Variants in PRSS23 observed in about 807,000 individuals in gnomAD.
PRSS23 encodes protease, serine 23.
A neutral mutation model predicts 34.7 loss-of-function variants in PRSS23; 25 were observed. The ratio of observed to expected loss-of-function variants is 0.72; its 90% CI spans 0.53 to 1.01. The LOEUF (loss-of-function observed/expected upper bound fraction) is 1.01, where lower values mean the gene tolerates loss of function less well. PRSS23 is among the 50% of genes least tolerant of loss of function. The pLI, the probability that PRSS23 is intolerant of heterozygous loss-of-function variation, is 0.00. For synonymous variants in PRSS23, 176 were observed against 186.6 expected (o/e 0.94, Z 0.46); for missense variants, 445 against 475.6 (o/e 0.94, Z 0.60).
In PRSS23 at chr11:86,845,841, C is replaced by A. The variant is rs376824614; in HGVS notation, c.206+22248C>A. 1.3e-5 allele frequency among the ~76,000 whole-genome samples: 2 copies of A among 152,258 alleles called. 1 individual carries two copies. On this transcript the variant is annotated intron_variant, in intron 2 of 2. Transcript: ENST00000533902. ...GTGACCAGCAGACCTTATCTATGCT[C>A]CCAATTCCAATTTCTTATAAAAGTA...
intron 2 of PRSS23, among the ~76,000 whole-genome samples, chr11:86,913,210 G>A (rs1319972076): frequency 6.7e-6 from 1 of 148,210 alleles, no homozygotes; most frequent in Non-Finnish European, 1.5e-5. Context: ...CTTCTATTTG[G>A]TAAGACTGCA....
chr11:86,864,744 G>A (rs758129210), intron 2 of PRSS23, among the ~76,000 whole-genome samples: 9 of 152,234 alleles, frequency 5.9e-5, no homozygotes, highest in Non-Finnish European at 1.3e-4. Context: ...GGTGTCAGCA[G>A]AGCTGTCTTG....
rs1361673979 is a variant in PRSS23, at chr11:86,879,729, G to A, written c.206+56136G>A. Among the ~76,000 whole-genome samples the A allele has an allele frequency of 1.6e-5, 2 of 125,638 alleles. 1 individual carries two copies. The highest frequency in any genetic ancestry group is 3.5e-5 in the Non-Finnish European group (2 of 56,752). The allele number at this position is 125,638 out of a possible 152,430, so 82.4% of individuals were successfully genotyped here. The stretch of plus-strand genomic sequence containing the variant: ...CCCCATCCGGGAGGGAGGTGGGGGT[G>A]TCAGCCCCCCGCCCGGCCAGCCGCC... On this transcript the variant is annotated intron_variant, in intron 2 of 2. Coordinates refer to the PRSS23 transcript ENST00000533902.
intron 2 of PRSS23, among the ~76,000 whole-genome samples, chr11:86,895,390 T>C (rs533751652): frequency 6.6e-6 from 1 of 152,044 alleles, no homozygotes; most frequent in Non-Finnish European, 1.5e-5. Flanking sequence ...ACACAATGTC[T>C]ATCATAAATT....
At chr11:86,889,327 G>A (rs1428969572) in intron 2 of PRSS23, among the ~76,000 whole-genome samples, 3 of 152,132 alleles carry the variant, frequency 2.0e-5, no homozygotes, top group African/African-American at 7.2e-5. Flanking sequence ...TGTTCCTATG[G>A]CAGTAACAAA....
At chr11:86,925,270 C>A (rs527351512) in intron 2 of PRSS23, among the ~76,000 whole-genome samples, 1 of 151,086 alleles carries the variant, frequency 6.6e-6, no homozygotes, top group Non-Finnish European at 1.5e-5. Context: ...GTGAAAACTG[C>A]ATTGAAAATT....
chr11:86,861,240 G>A (rs1948612041), intron 2 of PRSS23, among the ~76,000 whole-genome samples: 1 of 150,064 alleles, frequency 6.7e-6, no homozygotes, highest in Admixed American at 6.6e-5. Context: ...TGGGAGAGGG[G>A]GGCGATATTA....
intron 2 of PRSS23, chr11:86,936,143 C>G (rs1303693259): frequency 6.6e-6 from 1 of 152,204 alleles, no homozygotes; most frequent in Non-Finnish European, 1.5e-5. Flanking sequence ...TGTAGGATTT[C>G]TGGCACTACC....
rs1303621206 is a variant in PRSS23, at chr11:86,824,375, A to AAAATAAAAT, written c.206+790_206+791insTAAATAAAA. 3.1e-3 allele frequency among the ~76,000 whole-genome samples: 409 copies of AAAATAAAAT among 130,438 alleles called. 2 individuals carry two copies. The highest frequency in any genetic ancestry group is 5.4e-3 in the Non-Finnish European group (316 of 58,626). The allele number at this position is 130,438 out of a possible 152,430, so 85.6% of individuals were successfully genotyped here. On this transcript the variant is annotated intron_variant, in intron 2 of 2. Transcript: ENST00000533902. ...TAAAATAAAATAAAATAAAATAAATAAAATAAAAAAACAAAATGGAGGAAA... is the reference window on the plus strand; with the variant it reads ...TAAAATAAAATAAAATAAAATAAATAAAATAAAATAAATAAAAAAACAAAATGGAGGAAA...
At chr11:86,801,745 A>G (rs1020769081) in intron 1 of PRSS23, among the ~76,000 whole-genome samples, 11 of 152,230 alleles carry the variant, frequency 7.2e-5, no homozygotes, top group African/African-American at 2.2e-4. Flanking sequence ...CGTGCCTACC[A>G]TGAAGTCTGT....
chr11:86,863,441 A>G (rs1313557190), intron 2 of PRSS23, among the ~76,000 whole-genome samples: 1 of 152,190 alleles, frequency 6.6e-6, no homozygotes. Flanking sequence ...AGGTGCTCAT[A>G]AGTGCCCAAT....
chr11:86,943,076 C>CAGTT (rs1949216876), intron 2 of PRSS23, among the ~76,000 whole-genome samples: 1 of 152,340 alleles, frequency 6.6e-6, no homozygotes, highest in African/African-American at 2.4e-5. Context: ...GGTCACATTC[C>CAGTT]AGTTAGGGTC....
chr11:86,829,445 T>G (rs1203843377), intron 2 of PRSS23, among the ~76,000 whole-genome samples: 5 of 152,246 alleles, frequency 3.3e-5, no homozygotes, highest in African/African-American at 1.2e-4. Context: ...TTGAATTTCC[T>G]CCTGTAGCTC....
At chr11:86,794,797 G>A (rs1210575144) in intron 1 of PRSS23, among the ~76,000 whole-genome samples, 4 of 151,790 alleles carry the variant, frequency 2.6e-5, no homozygotes, top group African/African-American at 4.8e-5. Context: ...TTTACTATGG[G>A]GGTTTTACTT....
At chr11:86,944,159 A>C (rs1326134899) in intron 2 of PRSS23, among the ~76,000 whole-genome samples, 3 of 152,050 alleles carry the variant, frequency 2.0e-5, no homozygotes, top group Non-Finnish European at 4.4e-5. Context: ...GGTTTCCAGC[A>C]ATCCTTGGTG....
exon 3 of PRSS23, chr11:86,952,089 T>A: frequency 6.2e-7 from 1 of 1,614,066 alleles, no homozygotes; most frequent in African/African-American, 1.3e-5. Context: ...CACACAGCCA[T>A]CCAGATATCA....
chr11:86,847,696 A>G (rs1948498174), intron 2 of PRSS23, among the ~76,000 whole-genome samples: 1 of 152,124 alleles, frequency 6.6e-6, no homozygotes, highest in Non-Finnish European at 1.5e-5. Context: ...AGAAGCAGCT[A>G]ATTTTCTTCT....
chr11:86,819,327 G>C (rs7118751), intron 1 of PRSS23, among the ~76,000 whole-genome samples: 38,173 of 152,008 alleles, frequency 0.25, 5,285 homozygotes, highest in East Asian at 0.42. Flanking sequence ...CGCAGTGCAA[G>C]ATGCATTATT....
chr11:86,922,068 A>G (rs1202993267), intron 2 of PRSS23: 1 of 152,208 alleles, frequency 6.6e-6, no homozygotes, highest in Admixed American at 6.5e-5. Flanking sequence ...CTTTGTAGCA[A>G]GAGCCTTCAG....
Sources: gnomAD v4.1 joint callset for allele counts (sites outside exome capture counted in the v4.1 genomes callset) on GRCh38, gnomAD v4.1.1 for gene constraint, MANE v1.5 for transcripts, NCBI Gene and HGNC (gene_info 2026-07-23, HGNC 2026-07-21) for gene names.